The following ZSCAN5A variants were observed in gnomAD, a reference collection of about 807,000 sequenced individuals.
The protein encoded by ZSCAN5A is zinc finger and SCAN domain containing 5A, also known as zinc finger and SCAN domain-containing protein 5A.
Under a neutral mutation model 23.7 loss-of-function variants are expected in ZSCAN5A, and 12 were observed. The ratio of observed to expected loss-of-function variants is 0.51; its 90% confidence interval spans 0.32 to 0.82. ZSCAN5A has a LOEUF of 0.82. Ranked by LOEUF, ZSCAN5A falls within the 40% of genes least tolerant of loss-of-function variation. The pLI, the probability that ZSCAN5A is intolerant of heterozygous loss-of-function variation, is 0.03. For missense variants in ZSCAN5A, 597 were observed against 617.9 expected (o/e 0.97, Z 0.36); for synonymous variants, 257 against 239.9 (o/e 1.07, Z -0.66).
chr19:56,292,166 C>T (rs1021057802), intron 2 of ZSCAN5A, among the ~76,000 whole-genome samples: 10 of 152,202 alleles, frequency 6.6e-5, no homozygotes, highest in Admixed American at 1.3e-4. Context: ...ACATCTCTGA[C>T]CATTTCATCA....
At chr19:56,353,068 T>C (rs2041677751) in intron 2 of ZSCAN5A, among the ~76,000 whole-genome samples, 1 of 152,228 alleles carries the variant, frequency 6.6e-6, no homozygotes, top group African/African-American at 2.4e-5. Context: ...GCAGTCACTG[T>C]TAATTTTCCC....
intron 2 of ZSCAN5A, among the ~76,000 whole-genome samples, chr19:56,293,932 G>C (rs2039689559): frequency 6.6e-6 from 1 of 152,178 alleles, no homozygotes. Context: ...TCTGGCACGG[G>C]ATAAGAGCTC....
chr19:56,349,895 C>A (rs1195403123), intron 2 of ZSCAN5A, among the ~76,000 whole-genome samples: 7 of 152,090 alleles, frequency 4.6e-5, no homozygotes, highest in Non-Finnish European at 1.0e-4. Context: ...TGCATATTTG[C>A]AGAGAGATTT....
chr19:56,233,424 C>A (rs890419158), intron 2 of ZSCAN5A, among the ~76,000 whole-genome samples: 1 of 152,034 alleles, frequency 6.6e-6, no homozygotes, highest in Non-Finnish European at 1.5e-5. Context: ...ATGCTTGGCA[C>A]CTGGAGATGA....
chr19:56,291,455 C>A lies in ZSCAN5A; in HGVS notation c.-128+21828G>T, dbSNP rs190387977. Among the ~76,000 whole-genome samples, 224 of 152,294 alleles carry A rather than the reference C, an allele frequency of 1.5e-3. 4 individuals are homozygous for A. The South Asian group carries it at 0.033, about 22-fold the overall frequency. On this transcript the variant is annotated intron_variant, in intron 2 of 5. Transcript: ENST00000683990. ...GCCTATCGCATTAATCTGGAAGACA[C>A]TTTATTTCTCTTTTTTGGGAAGATC...
intron 2 of ZSCAN5A, among the ~76,000 whole-genome samples, chr19:56,227,268 T>G (rs2034042389): frequency 6.6e-6 from 1 of 152,268 alleles, no homozygotes; most frequent in South Asian, 2.1e-4. Context: ...ACAAAGCATA[T>G]TATGCTATAT....
chr19:56,353,638 T>C (rs1037774624), intron 2 of ZSCAN5A, among the ~76,000 whole-genome samples: 50 of 151,522 alleles, frequency 3.3e-4, no homozygotes, highest in African/African-American at 8.2e-4. Flanking sequence ...AAAAATTAGC[T>C]GCGCGTGGTG....
At chr19:56,307,224 CGCCT>C (rs1052410199) in intron 2 of ZSCAN5A, among the ~76,000 whole-genome samples, 17 of 152,338 alleles carry the variant, frequency 1.1e-4, no homozygotes, top group South Asian at 2.1e-4. Context: ...TCTCCCACGT[CGCCT>C]GCCTTTCATC....
intron 2 of ZSCAN5A, chr19:56,247,084 T>C (rs943561712): frequency 2.8e-6 from 2 of 726,412 alleles, no homozygotes; most frequent in Non-Finnish European, 2.5e-6. Flanking sequence ...CAATAAGAGG[T>C]TTACGTGTAA....
chr19:56,257,803 T>C lies in ZSCAN5A; in HGVS notation c.-127-32630A>G, dbSNP rs572568141. Among the ~76,000 whole-genome samples the C allele has an allele frequency of 3.0e-4, 39 of 131,610 alleles. 1 individual carries two copies. In the South Asian group the frequency reaches 0.01, roughly 35 times the overall value. 86.3% of individuals were successfully genotyped at this position (131,610 alleles called of 152,430 possible). A position where few individuals can be genotyped will look rare whatever the true frequency, so the allele number is the denominator to read the frequency against. On this transcript the variant is annotated intron_variant, in intron 2 of 5. Transcript: ENST00000683990. ...ACTCTGCAAGCCTTTCACACCTGGC[T>C]CCTGCCTCCCACCACTGCCCATCTT...
upstream of ZSCAN5A, chr19:56,317,759 T>G (rs568707339): frequency 6.6e-6 from 1 of 152,018 alleles, no homozygotes; most frequent in Non-Finnish European, 1.5e-5. Flanking sequence ...GAAAGCAGAG[T>G]GTGAGGGAGA....
chr19:56,280,524 T>C (rs915453721), intron 2 of ZSCAN5A: 3 of 152,176 alleles, frequency 2.0e-5, no homozygotes, highest in African/African-American at 4.8e-5. Context: ...TATAGATATA[T>C]ATTTCTTTAT....
Position 56,352,766 on chromosome 19 carries a change from G to T in ZSCAN5A, c.-358+10469C>A, listed in dbSNP as rs1038961959. Among the ~76,000 whole-genome samples the T allele has an allele frequency of 2.0e-5, 3 of 152,164 alleles. No individual in the cohort carries two copies. Among genetic ancestry groups the T allele is most frequent in the African/African-American group, 7.2e-5 (3 of 41,426 alleles). On this transcript the variant is annotated intron_variant, in intron 2 of 6. Transcript: ENST00000587340. The surrounding 1 kb of genome is among the most constrained non-coding windows in gnomAD (Gnocchi z 4.2). ...TCTGATCAGGTATCAAGGATGGGGG[G>T]ATTCTCATTACCCTTGTTGAAACTG... is the stretch of plus-strand genomic sequence containing the variant.
intron 1 of ZSCAN5A, 141 bp downstream of exon 1, chr19:56,314,539 CG>C (rs1016268546): frequency 2.2e-4 from 33 of 152,418 alleles, no homozygotes; most frequent in African/African-American, 7.7e-4. Flanking sequence ...GTCCCATCCC[CG>C]GGCTCGGTCC....
chr19:56,287,465 A>G lies in ZSCAN5A; in HGVS notation c.-128+25818T>C, dbSNP rs147799003. ...CAGTCTTCTCCTTTTAACAAGCACA[A>G]TAATTCAGTTCTCCCCCACTCCCAT... is the stretch of plus-strand genomic sequence containing the variant. On this transcript the variant is annotated intron_variant, in intron 2 of 5. Coordinates refer to ENST00000683990, the MANE Select transcript of ZSCAN5A (RefSeq NM_001322064.3). Among the ~76,000 whole-genome samples the G allele has an allele frequency of 1.2e-4, 18 of 152,238 alleles. No individual in the cohort carries two copies. The East Asian group carries it at 3.5e-3, about 29-fold the overall frequency.
chr19:56,249,453 G>C (rs527550580), intron 2 of ZSCAN5A, among the ~76,000 whole-genome samples: 2 of 152,244 alleles, frequency 1.3e-5, no homozygotes, highest in Admixed American at 1.3e-4. Context: ...TTTATTTTTA[G>C]TAGAGACAGG....
At chr19:56,327,776 T>C (rs931536373) in intron 2 of ZSCAN5A, among the ~76,000 whole-genome samples, 2 of 151,884 alleles carry the variant, frequency 1.3e-5, no homozygotes, top group Non-Finnish European at 2.9e-5. Context: ...TTTTTACATG[T>C]GTATTTACAT....
rs1032833856 is a variant in ZSCAN5A at position 56,223,327 on chromosome 19, T to C, written c.588+304A>G. Among the ~76,000 whole-genome samples, 8 of 152,230 alleles carry C rather than the reference T, an allele frequency of 5.3e-5. 1 individual carries two copies. Among genetic ancestry groups the C allele is most frequent in the Admixed American group, 5.2e-4 (8 of 15,280 alleles). On this transcript the variant is annotated intron_variant, in intron 4 of 5. Transcript: ENST00000683990. Reference sequence around the variant, plus strand: ...TTGCTGAATTATTACATTAAATGTCTTTGAGGAAACTGGCTACGGGGAAGG... The same window carrying C: ...TTGCTGAATTATTACATTAAATGTCCTTGAGGAAACTGGCTACGGGGAAGG...
At chr19:56,276,519 T>TTTTTTC (rs2038273570) in intron 2 of ZSCAN5A, among the ~76,000 whole-genome samples, 1 of 146,698 alleles carries the variant, frequency 6.8e-6, no homozygotes, top group African/African-American at 2.5e-5. Context: ...TTTTTTTTTT[T>TTTTTTC]CCAGTGAGGG....
Sources: gnomAD v4.1 joint callset for allele counts (sites outside exome capture counted in the v4.1 genomes callset) on GRCh38, gnomAD v4.1.1 for gene constraint, Gnocchi (gnomAD v3.1) non-coding constraint, MANE v1.5 for transcripts, NCBI Gene and HGNC (gene_info 2026-07-23, HGNC 2026-07-21) for gene names.